Variants in TMEM169 observed in about 807,000 individuals in gnomAD.
TMEM169 encodes the protein transmembrane protein 169.
TMEM169 carries 18 observed loss-of-function variants against 27.3 expected under a neutral mutation model. That is an observed-to-expected ratio of 0.66 (90% CI 0.46 to 0.98). TMEM169 has a LOEUF of 0.98. Ranked by LOEUF, TMEM169 falls within the 50% of genes least tolerant of loss-of-function variation. The probability of loss-of-function intolerance (pLI) is 0.00; values close to 1 mark genes in which losing one functional copy is unlikely to be tolerated. For missense variants in TMEM169, 320 were observed against 368.6 expected (o/e 0.87, Z 1.08); for synonymous variants, 136 against 142.1 (o/e 0.96, Z 0.30).
intron 2 of TMEM169, among the ~76,000 whole-genome samples, chr2:216,098,116 T>C (rs1480641383): frequency 2.0e-5 from 3 of 152,072 alleles, no homozygotes. Flanking sequence ...CAGGTCTCGG[T>C]AAAGAGTTTG....
rs1405617449 is a variant in TMEM169 at position 216,102,109 on chromosome 2, G to A, written c.*1567G>A. The A allele has an allele frequency of 6.6e-6, 1 of 152,054 alleles. No individual in the cohort carries two copies. Among genetic ancestry groups the A allele is most frequent in the African/African-American group, 2.4e-5 (1 of 41,394 alleles). The allele number at this position is 152,054 out of a possible 1,614,324, so 9.4% of individuals were successfully genotyped here. ...CCTGGTGGTGGAGGTGGGACGAGGT[G>A]GTGATATTTAACCTAGATTAAAGAC... On this transcript the variant is annotated 3_prime_UTR_variant, in exon 3 of 3. Coordinates refer to ENST00000437356, the MANE Select transcript of TMEM169 (RefSeq NM_001142311.2).
In TMEM169 at chr2:216,096,146, A is replaced by T; in HGVS notation, c.183A>T (p.Lys61Asn). 6.2e-7 allele frequency: 1 copy of T among 1,614,164 alleles called. No individual in the cohort carries two copies. The highest frequency in any genetic ancestry group is 8.5e-7 in the Non-Finnish European group (1 of 1,180,014). ...TCATCTACCGCTCAGACAATGAGAA[A>T]ACAGATGAGGAGCCCGGAGAATCAG... ...SIIIYRSDNE[K>N]TDEEPGESEG... The change falls in exon 2 of 3, where the codon AAA becomes AAT. Residue 61 changes from lysine (K) to asparagine (N), a missense_variant. Lys to Asn is a moderately conservative substitution (Grantham distance 94). Transcript: ENST00000437356.
At chr2:216,091,794 G>A (rs182069160) in intron 1 of TMEM169, among the ~76,000 whole-genome samples, 49 of 152,232 alleles carry the variant, frequency 3.2e-4, no homozygotes, top group African/African-American at 1.2e-3. Context: ...AGACACTGAG[G>A]GAGATTGTTG....
chr2:216,087,405 A>T (rs750642174), intron 1 of TMEM169, among the ~76,000 whole-genome samples: 3 of 152,252 alleles, frequency 2.0e-5, no homozygotes, highest in Non-Finnish European at 4.4e-5. Context: ...GTATTCTGGC[A>T]TATGGTGGTA....
rs927805952 is a variant in TMEM169, at chr2:216,092,332, G to A, written c.-126-3506G>A. The stretch of plus-strand genomic sequence containing the variant: ...TGTGCCCAACCAAATCAAGAGTGTC[G>A]AACACTACACCTTTTTATGTTTTTT... On this transcript the variant is annotated intron_variant, in intron 1 of 2. Coordinates refer to ENST00000437356, the MANE Select transcript of TMEM169 (RefSeq NM_001142311.2). Among the ~76,000 whole-genome samples, 8 of 152,018 alleles carry A rather than the reference G, an allele frequency of 5.3e-5. No homozygotes were observed. In the East Asian group the frequency reaches 5.8e-4, roughly 11 times the overall value.
chr2:216,089,696 C>T (rs573527434), intron 1 of TMEM169, among the ~76,000 whole-genome samples: 4 of 152,264 alleles, frequency 2.6e-5, no homozygotes, highest in Admixed American at 1.3e-4. Flanking sequence ...TCAAGTGATC[C>T]GCCCATCTTG....
At position 216,100,061 on chromosome 2, in the gene TMEM169, C is replaced by T; in HGVS notation, c.413C>T (p.Ser138Leu). 1.2e-6 allele frequency: 2 copies of T among 1,614,156 alleles called. No homozygotes were observed. Among genetic ancestry groups the T allele is most frequent in the Non-Finnish European group, 1.7e-6 (2 of 1,180,028 alleles). Residue 138 changes from serine (S) to leucine (L), a missense_variant, in exon 3 of 3, where the codon TCA (serine) becomes TTA (leucine). Transcript: ENST00000437356. ...CAGGAACTGACCAAACCTAAAGAGT[C>T]ATCAAGGGAAACGACGCCTGAAGGA... ...ELQELTKPKE[S>L]SRETTPEGRM...
At chr2:216,088,733 G>A (rs752550565) in intron 1 of TMEM169, among the ~76,000 whole-genome samples, 2 of 152,176 alleles carry the variant, frequency 1.3e-5, no homozygotes, top group South Asian at 2.1e-4. Flanking sequence ...TGCATGTACT[G>A]TATAATCAAC....
At chr2:216,093,736 G>A (rs1161435003) in intron 1 of TMEM169, among the ~76,000 whole-genome samples, 1 of 152,092 alleles carries the variant, frequency 6.6e-6, no homozygotes, top group Non-Finnish European at 1.5e-5. Flanking sequence ...CCCCTGCCTG[G>A]AGGGGGAGAA....
chr2:216,100,833 G>T lies in TMEM169; in HGVS notation c.*291G>T, dbSNP rs541335948. The T allele has an allele frequency of 1.8e-5, 8 of 432,808 alleles. No individual in the cohort carries two copies. The highest frequency in any genetic ancestry group is 3.8e-5 in the Admixed American group (1 of 26,526). 26.8% of individuals were successfully genotyped at this position (432,808 alleles called of 1,614,324 possible). Reference sequence around the variant, plus strand: ...TGTGTGTCGTTTTGGGAGCCTGGAAGTGTTACTGGTGCCTGGAACTGAGGG... The same window carrying T: ...TGTGTGTCGTTTTGGGAGCCTGGAATTGTTACTGGTGCCTGGAACTGAGGG... On this transcript the variant is annotated 3_prime_UTR_variant, in exon 3 of 3. Coordinates refer to ENST00000437356, the MANE Select transcript of TMEM169 (RefSeq NM_001142311.2).
At position 216,099,437 on chromosome 2, in the gene TMEM169, T is replaced by C. The variant is rs1696336409; in HGVS notation, c.272-483T>C. Among the ~76,000 whole-genome samples, 1 of 151,882 alleles carries C rather than the reference T, an allele frequency of 6.6e-6. No homozygotes were observed. The highest frequency in any genetic ancestry group is 6.6e-5 in the Admixed American group (1 of 15,246). ...TGCATGTGTGTATGCGTGCAGCCCC[T>C]GGATGTGAGGGCTGGATCAGGCATG... On this transcript the variant is annotated intron_variant, in intron 2 of 2. Transcript: ENST00000437356. This position sits in a 1 kb window ranked among gnomAD's most constrained non-coding sequence, Gnocchi z 5.0.
chr2:216,084,995 A>G (rs555312604), intron 1 of TMEM169, among the ~76,000 whole-genome samples: 50 of 151,952 alleles, frequency 3.3e-4, no homozygotes, highest in Non-Finnish European at 6.3e-4. Flanking sequence ...TTTTATTTTT[A>G]TTTATTTATT....
chr2:216,094,095 A>G (rs997263311), intron 1 of TMEM169, among the ~76,000 whole-genome samples: 1 of 152,224 alleles, frequency 6.6e-6, no homozygotes, highest in African/African-American at 2.4e-5. Context: ...CTCAGAGAGC[A>G]CTGAAATACA....
At chr2:216,088,691 A>T (rs1266169528) in intron 1 of TMEM169, among the ~76,000 whole-genome samples, 1 of 152,196 alleles carries the variant, frequency 6.6e-6, no homozygotes, top group African/African-American at 2.4e-5. Context: ...GAATACGTAA[A>T]TATTTTTTGA....
chr2:216,096,668 A>G (rs1696271829), intron 2 of TMEM169, among the ~76,000 whole-genome samples: 1 of 152,172 alleles, frequency 6.6e-6, no homozygotes, highest in Non-Finnish European at 1.5e-5. Context: ...CTGGTGCAAT[A>G]TTACAGTCTT....
chr2:216,099,837 C>T lies in TMEM169; in HGVS notation c.272-83C>T. On this transcript the variant is annotated intron_variant, in intron 2 of 2. Coordinates refer to ENST00000437356, the MANE Select transcript of TMEM169 (RefSeq NM_001142311.2). The surrounding 1 kb of genome is among the most constrained non-coding windows in gnomAD (Gnocchi z 5.0). ...GTGTAAAAAAGGCTACTCTTGTCCT[C>T]ATGCCCAGCCTGGGAGGGTGCAACA... is the stretch of plus-strand genomic sequence containing the variant. 6.5e-7 allele frequency: 1 copy of T among 1,531,802 alleles called. No individual in the cohort carries two copies. Among genetic ancestry groups the T allele is most frequent in the Non-Finnish European group, 8.7e-7 (1 of 1,143,190 alleles). 94.9% of individuals were successfully genotyped at this position (1,531,802 alleles called of 1,614,324 possible).
intron 2 of TMEM169, among the ~76,000 whole-genome samples, chr2:216,097,724 A>G (rs1696296110): frequency 6.6e-6 from 1 of 152,228 alleles, no homozygotes; most frequent in Non-Finnish European, 1.5e-5. Flanking sequence ...TCAGGGAAAG[A>G]CAGATAGTGA....
In TMEM169 at chr2:216,100,327, C is replaced by G; in HGVS notation, c.679C>G (p.Leu227Val). The G allele has an allele frequency of 6.2e-7, 1 of 1,613,974 alleles. No homozygotes were observed. The highest frequency in any genetic ancestry group is 1.1e-5 in the South Asian group (1 of 91,076). The change falls in exon 3 of 3, where the codon CTC becomes GTC. Residue 227 changes from leucine to valine, a missense_variant. Physicochemically the swap from Leu to Val is conservative, Grantham distance 32 (BLOSUM62 1). Transcript: ENST00000437356. ...CATGGCCATGGCTTCTTCCCTCGGC[C>G]TCTACGCTGCTGTGGTCCAGCTCTC... ...LIMAMASSLG[L>V]YAAVVQLSWS...
intron 1 of TMEM169, among the ~76,000 whole-genome samples, chr2:216,095,109 C>CTTTTTTTTTTTTTTTTTTTTT (rs71047975): frequency 2.7e-5 from 3 of 110,484 alleles, no homozygotes; most frequent in East Asian, 2.9e-4. Context: ...TTTTTTCTTT[C>CTTTTTTTTTTTTTTTTTTTTT]TTTTTTTTTT....
Sources: allele counts gnomAD v4.1 joint callset (sites outside exome capture counted in the v4.1 genomes callset), GRCh38; gene constraint gnomAD v4.1.1; non-coding constraint Gnocchi (gnomAD v3.1); transcripts MANE v1.5; gene names NCBI Gene and HGNC (gene_info 2026-07-23, HGNC 2026-07-21).